GRIK2: variants seen among roughly 807,000 people sequenced by gnomAD.
The protein encoded by GRIK2 is glutamate receptor ionotropic, kainate 2.
In GRIK2, 32 loss-of-function variants were observed where a neutral mutation model predicts 100.3. The ratio of observed to expected loss-of-function variants is 0.32; its 90% confidence interval spans 0.24 to 0.43. The LOEUF is 0.43. Among genes scored for constraint, GRIK2 ranks in the 20% least tolerant of loss-of-function variants. GRIK2 has a pLI of 1.00. For synonymous variants in GRIK2, 417 were observed against 389.4 expected, an observed-to-expected ratio of 1.07 and a Z score of -0.83; for missense variants, 843 against 1,114.9, an observed-to-expected ratio of 0.76 and a Z score of 3.47.
At chr6:101,469,736 T>A (rs987647387) in intron 2 of GRIK2, among the ~76,000 whole-genome samples, 1 of 152,160 alleles carries the variant, frequency 6.6e-6, no homozygotes, top group Non-Finnish European at 1.5e-5. Flanking sequence ...CTAAAAGCCA[T>A]CCAGTTTAAT....
intron 7 of GRIK2, among the ~76,000 whole-genome samples, chr6:101,770,047 A>G (rs1291210604): frequency 6.6e-6 from 1 of 152,208 alleles, no homozygotes; most frequent in Non-Finnish European, 1.5e-5. Flanking sequence ...TATCAGACAT[A>G]CAAGAATGGT....
intron 2 of GRIK2, 111 bp downstream of exon 2, chr6:101,399,503 C>A: frequency 1.4e-6 from 1 of 709,978 alleles, no homozygotes; most frequent in Non-Finnish European, 2.6e-6. Flanking sequence ...GATCTGCTCA[C>A]TGCTCTGTCG....
At chr6:101,905,118 A>C (rs756454589) in intron 12 of GRIK2, among the ~76,000 whole-genome samples, 2 of 151,604 alleles carry the variant, frequency 1.3e-5, no homozygotes, top group Non-Finnish European at 3.0e-5. Flanking sequence ...TTCATATGTG[A>C]GTCTAGAGTG....
chr6:101,893,826 T>G (rs1787262316), intron 12 of GRIK2, among the ~76,000 whole-genome samples: 1 of 151,890 alleles, frequency 6.6e-6, no homozygotes, highest in South Asian at 2.1e-4. Flanking sequence ...CCCAACTGAA[T>G]ATGTTATTTT....
chr6:101,584,594 T>C (rs1267636835), intron 2 of GRIK2, among the ~76,000 whole-genome samples: 1 of 152,014 alleles, frequency 6.6e-6, no homozygotes, highest in Non-Finnish European at 1.5e-5. Context: ...AATGAATCAT[T>C]TCTTCTGTGA....
intron 10 of GRIK2, among the ~76,000 whole-genome samples, chr6:101,833,423 C>A (rs1229691310): frequency 1.3e-5 from 2 of 151,968 alleles, no homozygotes; most frequent in South Asian, 2.1e-4. Flanking sequence ...GTAGTAGAAA[C>A]TGGGTTTCAC....
At chr6:102,056,282 T>A (rs1249164186) in intron 16 of GRIK2, among the ~76,000 whole-genome samples, 1 of 151,988 alleles carries the variant, frequency 6.6e-6, no homozygotes, top group African/African-American at 2.4e-5. Flanking sequence ...GCTTTTTGTA[T>A]TATCCTTGAA....
rs151228215 is a variant in GRIK2, at chr6:101,815,031, A to G, written c.1204-3339A>G. On this transcript the variant is annotated intron_variant, in intron 9 of 16. Transcript: ENST00000369134. ...CTATTATTTCCCATTTACAGATGGGAGAATTGTGACACAAAGAAATAATGT... is the reference window on the plus strand; with the variant it reads ...CTATTATTTCCCATTTACAGATGGGGGAATTGTGACACAAAGAAATAATGT... 5.7e-3 allele frequency among the ~76,000 whole-genome samples: 864 copies of G among 152,298 alleles called. 3 individuals carry two copies. Among genetic ancestry groups the G allele is most frequent in the Middle Eastern group, 0.01 (3 of 294 alleles).
intron 11 of GRIK2, among the ~76,000 whole-genome samples, chr6:101,876,484 A>AACAGACACACACACAC (rs368176541): frequency 4.0e-5 from 6 of 148,800 alleles, no homozygotes; most frequent in African/African-American, 1.5e-4. Flanking sequence ...AACAAAAACA[A>AACAGACACACACACAC]ACACACACAC....
intron 15 of GRIK2, among the ~76,000 whole-genome samples, chr6:102,042,877 T>A (rs748115527): frequency 1.8e-4 from 28 of 151,684 alleles, no homozygotes; most frequent in Non-Finnish European, 3.2e-4. Context: ...ATTTCACCAG[T>A]CACTTTTAAC....
chr6:101,428,177 A>G (rs1322520161), intron 2 of GRIK2, among the ~76,000 whole-genome samples: 1 of 152,218 alleles, frequency 6.6e-6, no homozygotes, highest in Non-Finnish European at 1.5e-5. Context: ...CTGAATATGA[A>G]ACACGTTAAA....
At chr6:101,572,670 G>A (rs1001919269) in intron 2 of GRIK2, among the ~76,000 whole-genome samples, 2 of 150,016 alleles carry the variant, frequency 1.3e-5, no homozygotes, top group African/African-American at 2.5e-5. Context: ...AGTTCAAAAC[G>A]TACCCTGAGT....
At chr6:101,730,895 G>A (rs907566825) in intron 7 of GRIK2, among the ~76,000 whole-genome samples, 3 of 151,732 alleles carry the variant, frequency 2.0e-5, no homozygotes, top group African/African-American at 4.8e-5. Flanking sequence ...AAGAGAGAGG[G>A]GAAAGAGTTG....
intron 7 of GRIK2, among the ~76,000 whole-genome samples, chr6:101,700,240 T>C (rs1048554907): frequency 1.3e-5 from 2 of 151,718 alleles, no homozygotes; most frequent in Non-Finnish European, 2.9e-5. Context: ...ATAATAATAA[T>C]AATTGTTATT....
At chr6:101,995,773 A>G (rs1284779465) in intron 14 of GRIK2, among the ~76,000 whole-genome samples, 2 of 151,902 alleles carry the variant, frequency 1.3e-5, no homozygotes, top group East Asian at 1.9e-4. Context: ...AGAAAATTGT[A>G]TCTGACAATC....
At chr6:101,900,229 C>T (rs988638944) in intron 12 of GRIK2, among the ~76,000 whole-genome samples, 1 of 152,020 alleles carries the variant, frequency 6.6e-6, no homozygotes, top group African/African-American at 2.4e-5. Flanking sequence ...CTTTGGGAGG[C>T]CGAGGTGGGC....
intron 2 of GRIK2, among the ~76,000 whole-genome samples, chr6:101,482,777 CAGTATGACTT>C (rs934125173): frequency 7.2e-5 from 11 of 152,008 alleles, no homozygotes; most frequent in Non-Finnish European, 1.6e-4. Flanking sequence ...ATCATTGACT[CAGTATGACTT>C]AGGATGTAGT....
Position 101,451,706 on chromosome 6 carries a change from G to A in GRIK2, c.115+52314G>A, listed in dbSNP as rs528348882. On this transcript the variant is annotated intron_variant, in intron 2 of 16. Coordinates refer to ENST00000369134, the MANE Select transcript of GRIK2 (RefSeq NM_021956.5). ...ATTATTTATCTCTGAGGGGGGGGGG[G>A]GTGCCAAATACCTCCCACTTTTGTT... 4.9e-3 allele frequency among the ~76,000 whole-genome samples: 680 copies of A among 138,918 alleles called. 11 individuals carry two copies. The highest frequency in any genetic ancestry group is 7.5e-3 in the Non-Finnish European group (475 of 63,136). 91.1% of individuals were successfully genotyped at this position (138,918 alleles called of 152,430 possible). A position where few individuals can be genotyped will look rare whatever the true frequency, so the allele number is the denominator to read the frequency against.
intron 7 of GRIK2, among the ~76,000 whole-genome samples, chr6:101,701,650 C>T (rs1446627932): frequency 6.6e-6 from 1 of 152,000 alleles, no homozygotes; most frequent in African/African-American, 2.4e-5. Flanking sequence ...AAATTATGCA[C>T]AGTTTTCTTG....
Sources: allele counts gnomAD v4.1 joint callset (sites outside exome capture counted in the v4.1 genomes callset), GRCh38; gene constraint gnomAD v4.1.1; transcripts MANE v1.5; gene names NCBI Gene and HGNC (gene_info 2026-07-23, HGNC 2026-07-21).